BANP: variants seen among roughly 807,000 people sequenced by gnomAD.
The protein encoded by BANP is BTG3 associated nuclear protein, also known as protein BANP.
In BANP, 11 loss-of-function variants were observed where a neutral mutation model predicts 68.1. The observed-to-expected ratio is 0.16, with a 90% CI of 0.10 to 0.27. The LOEUF (loss-of-function observed/expected upper bound fraction) is 0.27, where lower values mean the gene tolerates loss of function less well. Among genes scored for constraint, BANP ranks in the 10% least tolerant of loss-of-function variants. BANP has a pLI of 1.00. For missense variants in BANP, 504 were observed against 722.7 expected, an observed-to-expected ratio of 0.70 and a Z score of 3.47; for synonymous variants, 329 against 303.2, an observed-to-expected ratio of 1.09 and a Z score of -0.88.
chr16:87,970,827 T>G (rs2060968951), intron 1 of BANP, among the ~76,000 whole-genome samples: 1 of 152,062 alleles, frequency 6.6e-6, no homozygotes, highest in Admixed American at 6.6e-5. Context: ...GAGACCAGCC[T>G]GGCCACAGAG....
chr16:88,028,758 C>G (rs1438160191), intron 8 of BANP, among the ~76,000 whole-genome samples: 1 of 152,190 alleles, frequency 6.6e-6, no homozygotes, highest in East Asian at 1.9e-4. Flanking sequence ...TTGCGCATGA[C>G]TTGAATTCTG....
intron 13 of BANP, among the ~76,000 whole-genome samples, chr16:88,075,934 C>T (rs1316437229): frequency 2.6e-5 from 4 of 151,844 alleles, no homozygotes; most frequent in South Asian, 2.1e-4. Context: ...ATTGTAGAGA[C>T]GAGGTTTCAC....
chr16:88,053,583 C>A (rs2083955953), intron 11 of BANP, among the ~76,000 whole-genome samples: 1 of 148,366 alleles, frequency 6.7e-6, no homozygotes, highest in Non-Finnish European at 1.5e-5. Flanking sequence ...CCATCATCAT[C>A]ATCATCACCA....
intron 11 of BANP, among the ~76,000 whole-genome samples, chr16:88,051,617 T>TG (rs1320810816): frequency 6.6e-6 from 1 of 152,190 alleles, no homozygotes; most frequent in East Asian, 1.9e-4. Context: ...CTGCCACAGT[T>TG]GCAGGTTGTG....
At chr16:88,067,864 C>A (rs2089162188) in intron 12 of BANP, among the ~76,000 whole-genome samples, 1 of 152,212 alleles carries the variant, frequency 6.6e-6, no homozygotes, top group Admixed American at 6.5e-5. Context: ...TGAGGGAACC[C>A]TGACGATGCT....
At chr16:88,058,180 G>C (rs1598970379) in intron 11 of BANP, among the ~76,000 whole-genome samples, 1 of 152,210 alleles carries the variant, frequency 6.6e-6, no homozygotes, top group East Asian at 1.9e-4. Context: ...TGGTGCTAAA[G>C]TGTGTTGAGG....
upstream of BANP, chr16:87,949,686 A>C (rs1416326244): frequency 6.6e-6 from 1 of 152,116 alleles, no homozygotes; most frequent in East Asian, 1.9e-4. Flanking sequence ...TTTGTAAGGC[A>C]CTTTTGCCAC....
At chr16:88,046,931 G>T (rs1052901806) in intron 11 of BANP, among the ~76,000 whole-genome samples, 2 of 151,800 alleles carry the variant, frequency 1.3e-5, no homozygotes, top group Admixed American at 1.3e-4. Context: ...CCGGACGTGG[G>T]GGTGGGCGCC....
At chr16:88,052,597 A>G (rs1455056961) in intron 11 of BANP, among the ~76,000 whole-genome samples, 3 of 151,676 alleles carry the variant, frequency 2.0e-5, no homozygotes, top group Non-Finnish European at 2.9e-5. Flanking sequence ...AACCACCTCT[A>G]CCACCTCCGC....
At chr16:87,987,673 ACT>A in intron 4 of BANP, among the ~76,000 whole-genome samples, 1 of 127,794 alleles carries the variant, frequency 7.8e-6, no homozygotes, top group Non-Finnish European at 1.6e-5. Context: ...GTGAGCTGTG[ACT>A]CTGCCACTGC....
rs950764791 is a variant in BANP, at chr16:88,075,270, C to T, written c.1522-1320C>T. 3.3e-5 allele frequency among the ~76,000 whole-genome samples: 5 copies of T among 152,164 alleles called. 1 individual carries two copies. The highest frequency in any genetic ancestry group is 4.1e-4 in the South Asian group (2 of 4,832). On this transcript the variant is annotated intron_variant, in intron 13 of 13. Coordinates refer to ENST00000682872, the MANE Select transcript of BANP (RefSeq NM_001386991.1). ...CTGAGGCAGGAGAACTGCTTGAACC[C>T]GGGAGGCGGAGGTTGCAATGAGTCG...
rs2069892275 is a variant in BANP, at chr16:88,003,032, C to T, written c.363-1263C>T. The stretch of plus-strand genomic sequence containing the variant: ...GGGAACATACCAAGCTCGTGCAAGT[C>T]AGGTAGCCTCTCCAGTTCTACATCT... On this transcript the variant is annotated intron_variant, in intron 4 of 13. Transcript: ENST00000682872. This position sits in a 1 kb window ranked among gnomAD's most constrained non-coding sequence, Gnocchi z 6.1. Among the ~76,000 whole-genome samples, 2 of 152,178 alleles carry T rather than the reference C, an allele frequency of 1.3e-5. No individual in the cohort carries two copies. Among genetic ancestry groups the T allele is most frequent in the South Asian group, 4.1e-4 (2 of 4,832 alleles).
At chr16:87,982,229 G>C (rs1381440158) in intron 3 of BANP, among the ~76,000 whole-genome samples, 4 of 152,336 alleles carry the variant, frequency 2.6e-5, no homozygotes, top group South Asian at 2.1e-4. Flanking sequence ...GTGGGCACGG[G>C]AGTGGCCCTG....
intron 7 of BANP, among the ~76,000 whole-genome samples, chr16:88,021,279 C>G (rs1276274476): frequency 6.6e-6 from 1 of 152,204 alleles, no homozygotes; most frequent in African/African-American, 2.4e-5. Flanking sequence ...GAGCACGGTC[C>G]CCTGGCAGGG....
chr16:87,978,183 T>G (rs1280670081), intron 2 of BANP, among the ~76,000 whole-genome samples: 2 of 152,208 alleles, frequency 1.3e-5, no homozygotes, highest in African/African-American at 4.8e-5. Flanking sequence ...TGTCGAATTC[T>G]AAAAGTAATG....
intron 12 of BANP, among the ~76,000 whole-genome samples, chr16:88,066,432 CCT>C (rs1489815138): frequency 6.6e-6 from 1 of 152,158 alleles, no homozygotes; most frequent in Non-Finnish European, 1.5e-5. Flanking sequence ...GGCCTGGCCA[CCT>C]GGTGAAGGGC....
chr16:88,036,221 C>T lies in BANP; in HGVS notation c.1272+827C>T, dbSNP rs1224708712. On this transcript the variant is annotated intron_variant, in intron 10 of 13. Coordinates refer to ENST00000682872, the MANE Select transcript of BANP (RefSeq NM_001386991.1). This position sits in a 1 kb window ranked among gnomAD's most constrained non-coding sequence, Gnocchi z 4.2. ...ATGAGGAACATGGCTGTTTCTAGGT[C>T]GTGACAATGGCACCAGCTTTGTGTT... Among the ~76,000 whole-genome samples, 4 of 152,132 alleles carry T rather than the reference C, an allele frequency of 2.6e-5. No homozygotes were observed. Among genetic ancestry groups the T allele is most frequent in the Admixed American group, 1.3e-4 (2 of 15,284 alleles).
intron 4 of BANP, among the ~76,000 whole-genome samples, chr16:87,984,995 G>A (rs902315036): frequency 3.3e-5 from 5 of 152,206 alleles, no homozygotes; most frequent in East Asian, 1.9e-4. Context: ...CCTTCTGCCC[G>A]GTGTGTCTGG....
intron 11 of BANP, among the ~76,000 whole-genome samples, chr16:88,041,822 C>G (rs1176360090): frequency 6.6e-6 from 1 of 152,248 alleles, no homozygotes; most frequent in Non-Finnish European, 1.5e-5. Flanking sequence ...AGGTGCTCTG[C>G]AGGTGAGTGT....
Sources: gnomAD v4.1 joint callset for allele counts (sites outside exome capture counted in the v4.1 genomes callset) on GRCh38, gnomAD v4.1.1 for gene constraint, Gnocchi (gnomAD v3.1) non-coding constraint, MANE v1.5 for transcripts, NCBI Gene and HGNC (gene_info 2026-07-23, HGNC 2026-07-21) for gene names.